NALF1: variants seen among roughly 807,000 people sequenced by gnomAD.
NALF1 encodes NALCN channel auxiliary factor 1.
A neutral mutation model predicts 48.4 loss-of-function variants in NALF1; 3 were observed. The observed-to-expected ratio is 0.06, with a 90% CI of 0.03 to 0.16. The LOEUF (loss-of-function observed/expected upper bound fraction) is 0.16. Among genes scored for constraint, NALF1 ranks in the 10% least tolerant of loss-of-function variants. The pLI, the probability that NALF1 is intolerant of heterozygous loss-of-function variation, is 1.00. For missense variants in NALF1, 526 were observed against 571.5 expected (o/e 0.92, Z 0.81); for synonymous variants, 262 against 245.7 (o/e 1.07, Z -0.62).
chr13:107,817,304 T>C (rs1470520516), intron 1 of NALF1, among the ~76,000 whole-genome samples: 1 of 152,176 alleles, frequency 6.6e-6, no homozygotes, highest in Non-Finnish European at 1.5e-5. Flanking sequence ...ACATTTTGAG[T>C]ATGAAAACAA....
chr13:107,622,090 T>G (rs1053475060), intron 1 of NALF1, among the ~76,000 whole-genome samples: 2 of 151,700 alleles, frequency 1.3e-5, no homozygotes, highest in African/African-American at 4.8e-5. Flanking sequence ...CCCCCCAGTT[T>G]CAAGCAATTC....
intron 1 of NALF1, among the ~76,000 whole-genome samples, chr13:107,691,021 G>A (rs567663913): frequency 1.1e-4 from 17 of 152,250 alleles, no homozygotes; most frequent in East Asian, 5.8e-4. Flanking sequence ...AACTTACTTC[G>A]TAAATTCAGT....
At chr13:107,753,129 T>G (rs2138554361) in intron 1 of NALF1, among the ~76,000 whole-genome samples, 1 of 152,364 alleles carries the variant, frequency 6.6e-6, no homozygotes, top group South Asian at 2.1e-4. Context: ...CTTTCCTCTC[T>G]AATGCTCCTT....
chr13:107,375,621 A>G (rs978963846), intron 1 of NALF1, among the ~76,000 whole-genome samples: 9 of 152,204 alleles, frequency 5.9e-5, no homozygotes, highest in African/African-American at 2.2e-4. Context: ...AATTGACTTA[A>G]GCTTTGATTT....
Position 107,325,889 on chromosome 13 carries a change from C to CAT in NALF1, c.916-115135_916-115134insAT, listed in dbSNP as rs71286085. Among the ~76,000 whole-genome samples the CAT allele has an allele frequency of 5.4e-3, 425 of 78,940 alleles. 4 individuals carry two copies. The highest frequency in any genetic ancestry group is 7.6e-3 in the Non-Finnish European group (308 of 40,466). 51.8% of individuals were successfully genotyped at this position (78,940 alleles called of 152,430 possible). A position where few individuals can be genotyped will look rare whatever the true frequency, so the allele number is the denominator to read the frequency against. ...ATATATATATATATATATATATATA[C>CAT]ACACACACACACACACACATATATA... On this transcript the variant is annotated intron_variant, in intron 1 of 2. Transcript: ENST00000375915.
intron 1 of NALF1, among the ~76,000 whole-genome samples, chr13:107,338,504 G>C (rs949746776): frequency 2.0e-5 from 3 of 152,202 alleles, no homozygotes; most frequent in Admixed American, 1.3e-4. Context: ...TAGGCTGCCT[G>C]TGTTTGAATA....
At chr13:107,738,671 T>C (rs191104424) in intron 1 of NALF1, among the ~76,000 whole-genome samples, 2 of 152,300 alleles carry the variant, frequency 1.3e-5, no homozygotes, top group African/African-American at 4.8e-5. Context: ...TAAAATTTTC[T>C]TTATTTTATT....
intron 1 of NALF1, among the ~76,000 whole-genome samples, chr13:107,399,107 T>C (rs1883761106): frequency 1.3e-5 from 2 of 152,248 alleles, no homozygotes; most frequent in South Asian, 4.1e-4. Flanking sequence ...CCGTATTTAC[T>C]GTAGAAGCTG....
chr13:107,773,814 C>T lies in NALF1; in HGVS notation c.915+91868G>A, dbSNP rs1409619335. ...AAATGGGTGTAGCACACCAACATGG[C>T]ACATGTATACATATGTAACAAACCT... On this transcript the variant is annotated intron_variant, in intron 1 of 2. Coordinates refer to ENST00000375915, the MANE Select transcript of NALF1 (RefSeq NM_001080396.3). Among the ~76,000 whole-genome samples the T allele has an allele frequency of 2.0e-5, 3 of 151,478 alleles. No individual in the cohort carries two copies. The East Asian group carries it at 5.8e-4, about 29-fold the overall frequency.
chr13:107,365,098 C>T, intron 1 of NALF1, among the ~76,000 whole-genome samples: 1 of 148,588 alleles, frequency 6.7e-6, no homozygotes, highest in Non-Finnish European at 1.5e-5. Context: ...TCCTCCTCTA[C>T]CTCCTTCTCC....
At chr13:107,512,148 A>G (rs1413732044) in intron 1 of NALF1, among the ~76,000 whole-genome samples, 1 of 152,218 alleles carries the variant, frequency 6.6e-6, no homozygotes, top group Non-Finnish European at 1.5e-5. Flanking sequence ...TAATCCCAGC[A>G]CTTTGGGAGG....
chr13:107,714,624 A>AT (rs201354143), intron 1 of NALF1, among the ~76,000 whole-genome samples: 3 of 141,904 alleles, frequency 2.1e-5, no homozygotes, highest in Admixed American at 7.6e-5. Context: ...GTGAGGCTTT[A>AT]TTAAAAAAAA....
chr13:107,206,832 A>T (rs901495067), intron 2 of NALF1, among the ~76,000 whole-genome samples: 1 of 152,214 alleles, frequency 6.6e-6, no homozygotes, highest in South Asian at 2.1e-4. Context: ...GTGCTTACAG[A>T]ATACTTTTTT....
At chr13:107,619,336 TG>T (rs1879464637) in intron 1 of NALF1, among the ~76,000 whole-genome samples, 1 of 152,176 alleles carries the variant, frequency 6.6e-6, no homozygotes, top group Admixed American at 6.5e-5. Flanking sequence ...ACAGAGAGGA[TG>T]GAAGAGCACT....
At chr13:107,707,133 G>A (rs1184205302) in intron 1 of NALF1, among the ~76,000 whole-genome samples, 9 of 151,140 alleles carry the variant, frequency 6.0e-5, no homozygotes, top group Admixed American at 1.3e-4. Flanking sequence ...CGTTTTAGCC[G>A]GGATGGTCTC....
At chr13:107,516,165 A>C (rs79554358) in intron 1 of NALF1, among the ~76,000 whole-genome samples, 8,466 of 152,298 alleles carry the variant, frequency 0.056, 277 homozygotes, top group African/African-American at 0.061. Context: ...AATGGCTGAC[A>C]TCTGATCCAC....
chr13:107,185,314 CTG>C (rs1437678997), intron 2 of NALF1, among the ~76,000 whole-genome samples: 12 of 152,256 alleles, frequency 7.9e-5, no homozygotes, highest in African/African-American at 2.4e-4. Flanking sequence ...AACGAATATA[CTG>C]CATATTCATC....
chr13:107,579,560 C>G (rs529464005), intron 1 of NALF1, among the ~76,000 whole-genome samples: 19 of 145,790 alleles, frequency 1.3e-4, no homozygotes, highest in Non-Finnish European at 2.7e-4. Flanking sequence ...TCTTTCCTGC[C>G]TTCCTTTCAC....
At chr13:107,544,174 T>C (rs1316686896) in intron 1 of NALF1, among the ~76,000 whole-genome samples, 1 of 152,148 alleles carries the variant, frequency 6.6e-6, no homozygotes, top group Non-Finnish European at 1.5e-5. Context: ...ATGAAATTCA[T>C]TCTAAATAAG....
Sources: allele counts gnomAD v4.1 joint callset (sites outside exome capture counted in the v4.1 genomes callset), GRCh38; gene constraint gnomAD v4.1.1; transcripts MANE v1.5; gene names NCBI Gene and HGNC (gene_info 2026-07-23, HGNC 2026-07-21).